KAZN: variants seen among roughly 807,000 people sequenced by gnomAD.
KAZN encodes kazrin, periplakin interacting protein.
Under a neutral mutation model 87.4 loss-of-function variants are expected in KAZN, and 40 were observed. The ratio of observed to expected loss-of-function variants is 0.46; its 90% CI spans 0.36 to 0.60. The LOEUF (loss-of-function observed/expected upper bound fraction) is 0.60, where lower values mean the gene tolerates loss of function less well. Among genes scored for constraint, KAZN ranks in the 20% least tolerant of loss-of-function variants. The probability of loss-of-function intolerance (pLI) is 0.00; values close to 1 mark genes in which losing one functional copy is unlikely to be tolerated. For synonymous variants in KAZN, 466 were observed against 458.3 expected (o/e 1.02, Z -0.22); for missense variants, 898 against 1,073.9 (o/e 0.84, Z 2.29).
chr1:14,932,479 A>C (rs1420010355), intron 1 of KAZN, among the ~76,000 whole-genome samples: 1 of 152,208 alleles, frequency 6.6e-6, no homozygotes, highest in Admixed American at 6.5e-5. Flanking sequence ...CCTCCCCTGC[A>C]TGGTAGCCCC....
intron 1 of KAZN, among the ~76,000 whole-genome samples, chr1:14,827,041 G>C (rs919666842): frequency 2.0e-5 from 3 of 152,164 alleles, no homozygotes; most frequent in African/African-American, 7.2e-5. Flanking sequence ...GATGATGTGC[G>C]GGAGGCTGCG....
intron 1 of KAZN, among the ~76,000 whole-genome samples, chr1:14,647,661 C>T (rs967567668): frequency 3.3e-5 from 5 of 152,104 alleles, no homozygotes; most frequent in African/African-American, 1.2e-4. Context: ...GTGTGGGAAT[C>T]GGGGCCTGGT....
intron 1 of KAZN, among the ~76,000 whole-genome samples, chr1:14,085,671 T>A (rs1238788507): frequency 6.6e-6 from 1 of 152,212 alleles, no homozygotes; most frequent in African/African-American, 2.4e-5. Flanking sequence ...TGATGGACAT[T>A]TGGGCTCCTC....
At chr1:14,198,207 G>A (rs1357134801) in intron 2 of KAZN, among the ~76,000 whole-genome samples, 1 of 152,182 alleles carries the variant, frequency 6.6e-6, no homozygotes, top group African/African-American at 2.4e-5. Context: ...AAGAGCAATA[G>A]AAGCCACTAG....
intron 2 of KAZN, among the ~76,000 whole-genome samples, chr1:14,411,390 G>C (rs899375112): frequency 6.6e-6 from 1 of 152,178 alleles, no homozygotes; most frequent in Non-Finnish European, 1.5e-5. Context: ...CGTCTCCCTA[G>C]TTCAAGCAGT....
intron 2 of KAZN, among the ~76,000 whole-genome samples, chr1:14,505,611 CAGT>C (rs1041671155): frequency 3.3e-5 from 5 of 152,016 alleles, no homozygotes; most frequent in African/African-American, 1.2e-4. Context: ...GAAAGTGGGA[CAGT>C]AGTGTCCAGC....
At chr1:14,359,842 G>A (rs920095807) in intron 2 of KAZN, among the ~76,000 whole-genome samples, 19 of 152,310 alleles carry the variant, frequency 1.2e-4, no homozygotes, top group Non-Finnish European at 2.5e-4. Context: ...TGGGTAACCT[G>A]ATCTTTCTCT....
intron 2 of KAZN, among the ~76,000 whole-genome samples, chr1:14,524,011 T>A (rs1041324217): frequency 6.7e-5 from 10 of 149,560 alleles, no homozygotes; most frequent in African/African-American, 2.4e-4. Flanking sequence ...TGTTTTGTTT[T>A]GTTTTGTTTT....
chr1:14,883,881 T>G (rs1261645466), intron 1 of KAZN, among the ~76,000 whole-genome samples: 3 of 152,228 alleles, frequency 2.0e-5, no homozygotes, highest in Non-Finnish European at 4.4e-5. Context: ...TAGGAAGCTC[T>G]ATTGTATCCT....
At chr1:14,810,477 C>T (rs985289216) in intron 1 of KAZN, among the ~76,000 whole-genome samples, 2 of 152,240 alleles carry the variant, frequency 1.3e-5, no homozygotes, top group Admixed American at 6.5e-5. Flanking sequence ...TAGCAAATGT[C>T]AGCAGAATGA....
chr1:14,384,022 G>A (rs1219945055), intron 2 of KAZN, among the ~76,000 whole-genome samples: 2 of 151,936 alleles, frequency 1.3e-5, no homozygotes, highest in African/African-American at 4.8e-5. Context: ...GCTTGAAGAG[G>A]TCCTTCACAT....
At chr1:14,074,948 T>G (rs751547957) in intron 1 of KAZN, among the ~76,000 whole-genome samples, 2 of 152,186 alleles carry the variant, frequency 1.3e-5, no homozygotes, top group Non-Finnish European at 2.9e-5. Flanking sequence ...TTCATTCGTG[T>G]CAACTCATGT....
chr1:14,207,173 A>G (rs927097068), intron 2 of KAZN, among the ~76,000 whole-genome samples: 3 of 152,116 alleles, frequency 2.0e-5, no homozygotes, highest in Non-Finnish European at 4.4e-5. Context: ...CATGTTGGCC[A>G]GGCTGGTCTC....
chr1:14,239,963 G>A (rs1309114979), intron 2 of KAZN, among the ~76,000 whole-genome samples: 1 of 152,122 alleles, frequency 6.6e-6, no homozygotes, highest in African/African-American at 2.4e-5. Context: ...GATGTACCCA[G>A]CCCCAAATAT....
chr1:14,435,159 G>C (rs1373195726), intron 2 of KAZN, among the ~76,000 whole-genome samples: 1 of 152,098 alleles, frequency 6.6e-6, no homozygotes. Context: ...GGCGCTCGTG[G>C]TCTTCAGAGC....
intron 1 of KAZN, among the ~76,000 whole-genome samples, chr1:14,631,781 T>C (rs1679588001): frequency 6.6e-6 from 1 of 152,254 alleles, no homozygotes; most frequent in Non-Finnish European, 1.5e-5. Context: ...TCCCCTCGTG[T>C]TGGCGAGGAA....
intron 2 of KAZN, among the ~76,000 whole-genome samples, chr1:15,011,825 CG>C (rs2102085834): frequency 6.6e-6 from 1 of 152,200 alleles, no homozygotes; most frequent in African/African-American, 2.4e-5. Flanking sequence ...GGGTTGGGGG[CG>C]GGGCACCACT....
chr1:14,542,806 G>A (rs757100498), intron 2 of KAZN, among the ~76,000 whole-genome samples: 3 of 152,144 alleles, frequency 2.0e-5, no homozygotes, highest in Admixed American at 6.5e-5. Flanking sequence ...GACTCACCCC[G>A]GGCAAGCGGG....
intron 2 of KAZN, among the ~76,000 whole-genome samples, chr1:14,318,139 A>G (rs1655787663): frequency 6.6e-6 from 1 of 152,044 alleles, no homozygotes; most frequent in South Asian, 2.1e-4. Flanking sequence ...TTAAAATGAG[A>G]AACAATTTAC....
Sources: allele counts gnomAD v4.1 joint callset (sites outside exome capture counted in the v4.1 genomes callset), GRCh38; gene constraint gnomAD v4.1.1; transcripts MANE v1.5; gene names NCBI Gene and HGNC (gene_info 2026-07-23, HGNC 2026-07-21).